VPS37A: variants seen among roughly 807,000 people sequenced by gnomAD.
VPS37A encodes the protein vacuolar protein sorting-associated protein 37A.
In VPS37A, 30 loss-of-function variants were observed where a neutral mutation model predicts 49.8. That is an observed-to-expected ratio of 0.60 (90% CI 0.45 to 0.82). The LOEUF (loss-of-function observed/expected upper bound fraction) is 0.82. VPS37A is among the 40% of genes least tolerant of loss of function. The pLI is 0.00. For synonymous variants in VPS37A, 195 were observed against 160.6 expected (o/e 1.21, Z -1.62); for missense variants, 593 against 464.4 (o/e 1.28, Z -2.55).
At chr8:17,287,230 A>G (rs1815687033) in intron 11 of VPS37A, among the ~76,000 whole-genome samples, 1 of 152,184 alleles carries the variant, frequency 6.6e-6, no homozygotes, top group Admixed American at 6.5e-5. Flanking sequence ...GTTATTTGAT[A>G]GGACAGGGAT....
chr8:17,311,075 C>A, the VPS37A span, among the ~76,000 whole-genome samples: 4 of 152,144 alleles, frequency 2.6e-5, no homozygotes, highest in Admixed American at 6.5e-5. Context: ...AAAAAACATA[C>A]CCTGGAAGTG....
chr8:17,299,788 A>G (rs1008736353), downstream of VPS37A: 23 of 1,561,274 alleles, frequency 1.5e-5, no homozygotes, highest in Middle Eastern at 3.5e-4. Flanking sequence ...TGTTTTTACA[A>G]TAAACCACCT....
intron 2 of VPS37A, among the ~76,000 whole-genome samples, chr8:17,267,467 T>TTTTC (rs1554491549): frequency 6.6e-6 from 1 of 151,322 alleles, no homozygotes; most frequent in African/African-American, 2.4e-5. Flanking sequence ...AAATTTCTGC[T>TTTTC]TGTGTGTGTG....
chr8:17,261,303 A>G (rs1812940134), intron 1 of VPS37A, among the ~76,000 whole-genome samples: 1 of 152,136 alleles, frequency 6.6e-6, no homozygotes, highest in South Asian at 2.1e-4. Context: ...CTCAGTTCCA[A>G]CATTTCTGTT....
At chr8:17,294,301 C>T (rs1454005822) in intron 11 of VPS37A, among the ~76,000 whole-genome samples, 2 of 152,132 alleles carry the variant, frequency 1.3e-5, no homozygotes, top group Non-Finnish European at 2.9e-5. Flanking sequence ...ACGCCCCTCC[C>T]CCCACCAAGC....
chr8:17,299,808 G>A (rs1816985291), downstream of VPS37A: 5 of 1,591,414 alleles, frequency 3.1e-6, no homozygotes, highest in East Asian at 1.1e-4. Flanking sequence ...TTGTTCCCTT[G>A]TTTTTGGAAG....
intron 1 of VPS37A, among the ~76,000 whole-genome samples, chr8:17,252,355 T>C (rs1812057526): frequency 6.6e-6 from 1 of 152,130 alleles, no homozygotes; most frequent in Non-Finnish European, 1.5e-5. Context: ...GTTGTTGTTT[T>C]GGTAGAGATG....
Position 17,275,048 on chromosome 8 carries a change from TAAGTTAGACACAAAATATGAA to T in VPS37A, c.642+94_642+114del. 3 of 1,191,850 alleles carry T rather than the reference TAAGTTAGACACAAAATATGAA, an allele frequency of 2.5e-6. No individual in the cohort carries two copies. In the South Asian group the frequency reaches 4.4e-5, roughly 18 times the overall value. The allele number at this position is 1,191,850 out of a possible 1,614,324, so 73.8% of individuals were successfully genotyped here. A position where few individuals can be genotyped will look rare whatever the true frequency, so the allele number is the denominator to read the frequency against. On this transcript the variant is annotated intron_variant, in intron 5 of 11. Transcript: ENST00000324849. ...TTACATGCCTCTGTGTGCCAGATAA[TAAGTTAGACACAAAATATGAA>T]AAGATGAACTCACATTTTTCAATTC... is the stretch of plus-strand genomic sequence containing the variant.
chr8:17,293,579 C>T (rs1048866081), intron 11 of VPS37A, among the ~76,000 whole-genome samples: 3 of 152,070 alleles, frequency 2.0e-5, no homozygotes, highest in African/African-American at 4.8e-5. Context: ...CTGGTTTTTC[C>T]TCATCTTCAT....
chr8:17,332,295 T>C, the VPS37A span, among the ~76,000 whole-genome samples: 1 of 152,218 alleles, frequency 6.6e-6, no homozygotes, highest in African/African-American at 2.4e-5. Context: ...AAGTTTAAAG[T>C]TAAAGACACA....
chr8:17,254,618 A>T (rs934306324), intron 1 of VPS37A, among the ~76,000 whole-genome samples: 5 of 150,848 alleles, frequency 3.3e-5, no homozygotes, highest in Non-Finnish European at 5.9e-5. Context: ...TTCCTTGTTT[A>T]CTTTCTTTTT....
intron 4 of VPS37A, among the ~76,000 whole-genome samples, chr8:17,273,882 A>G (rs1380717936): frequency 6.6e-6 from 1 of 152,230 alleles, no homozygotes; most frequent in Non-Finnish European, 1.5e-5. Context: ...ACATTTTTCA[A>G]TGTAAAGGGA....
intron 2 of VPS37A, among the ~76,000 whole-genome samples, chr8:17,266,593 G>C (rs28502188): frequency 0.1 from 15,332 of 152,186 alleles, 852 homozygotes; most frequent in South Asian, 0.2. Context: ...GCTGCTGCTA[G>C]AGCAAGTGTT....
chr8:17,323,941 A>G, the VPS37A span, among the ~76,000 whole-genome samples: 3 of 152,200 alleles, frequency 2.0e-5, no homozygotes, highest in African/African-American at 7.2e-5. Flanking sequence ...TTTAAAATTA[A>G]TCTTTGAACT....
At chr8:17,300,273 T>C (rs541240215), downstream of VPS37A, 1,780 of 1,543,144 alleles carry the variant, frequency 1.2e-3, 32 homozygotes, top group South Asian at 0.021. Flanking sequence ...ATAACTTATC[T>C]TTTTCTATAT....
At chr8:17,268,193 T>C (rs150122667) in intron 2 of VPS37A, 65 bp from the exon 3 acceptor site, 1 of 1,138,846 alleles carries the variant, frequency 8.8e-7, no homozygotes, top group Non-Finnish European at 1.3e-6. Flanking sequence ...TGTTTTAAGA[T>C]TTTGACCATA....
At position 17,255,278 on chromosome 8, in the gene VPS37A, C is replaced by T. The variant is rs562554744; in HGVS notation, c.125+7909C>T. Among the ~76,000 whole-genome samples the T allele has an allele frequency of 3.3e-5, 5 of 152,002 alleles. No homozygotes were observed. The South Asian group carries it at 6.2e-4, about 19-fold the overall frequency. Reference sequence around the variant, plus strand: ...GGTGGATCGCCTGAGGTCAGGAGTTCGAGACCAGCCTGGCCAACATGGTGA... The same window carrying T: ...GGTGGATCGCCTGAGGTCAGGAGTTTGAGACCAGCCTGGCCAACATGGTGA... On this transcript the variant is annotated intron_variant, in intron 1 of 11. Transcript: ENST00000324849.
chr8:17,267,531 A>G (rs1813588206), intron 2 of VPS37A, among the ~76,000 whole-genome samples: 1 of 152,076 alleles, frequency 6.6e-6, no homozygotes. Flanking sequence ...ATTGACCTCT[A>G]ACTTGGGAGA....
chr8:17,315,190 C>A, the VPS37A span, among the ~76,000 whole-genome samples: 1 of 152,096 alleles, frequency 6.6e-6, no homozygotes, highest in East Asian at 1.9e-4. Context: ...TGAAAAGACA[C>A]AGAGGGAAGT....
Sources: allele counts gnomAD v4.1 joint callset (sites outside exome capture counted in the v4.1 genomes callset), GRCh38; gene constraint gnomAD v4.1.1; transcripts MANE v1.5; gene names NCBI Gene and HGNC (gene_info 2026-07-23, HGNC 2026-07-21).